The following ADAM9 variants were observed in gnomAD, a reference collection of about 807,000 sequenced individuals.
ADAM9 encodes disintegrin and metalloproteinase domain-containing protein 9.
Under a neutral mutation model 108.1 loss-of-function variants are expected in ADAM9, and 54 were observed. The ratio of observed to expected loss-of-function variants is 0.50; its 90% CI spans 0.40 to 0.63. The LOEUF is 0.63. Ranked by LOEUF, ADAM9 falls within the 20% of genes least tolerant of loss-of-function variation. The pLI is 0.00. For missense variants in ADAM9, 830 were observed against 997.7 expected, an observed-to-expected ratio of 0.83 and a Z score of 2.26; for synonymous variants, 316 against 336.0, an observed-to-expected ratio of 0.94 and a Z score of 0.65.
chr8:38,997,035 G>T lies in ADAM9; in HGVS notation c.-29G>T. ...GAGGCGGAGGTGGAGGCGACCGAGT[G>T]CTGAGAGGAACCTGCGGAATCGGCC... On this transcript the variant is annotated 5_prime_UTR_variant, in exon 1 of 22. Transcript: ENST00000487273. The T allele has an allele frequency of 6.2e-7, 1 of 1,603,310 alleles. No homozygotes were observed.
intron 12 of ADAM9, among the ~76,000 whole-genome samples, chr8:39,049,026 A>T (rs562470952): frequency 3.9e-4 from 54 of 139,342 alleles, no homozygotes; most frequent in South Asian, 1.1e-3. Flanking sequence ...TTATCCATTC[A>T]GTATGCTATG....
intron 12 of ADAM9, among the ~76,000 whole-genome samples, chr8:39,045,587 TAA>T (rs1554579359): frequency 6.7e-6 from 1 of 148,828 alleles, no homozygotes; most frequent in African/African-American, 2.5e-5. Flanking sequence ...TATATATATA[TAA>T]AAGATTTTTC....
At chr8:39,017,070 A>G (rs914481527) in intron 5 of ADAM9, 149 bp from the exon 6 acceptor site, 1 of 834,100 alleles carries the variant, frequency 1.2e-6, no homozygotes, top group African/African-American at 1.7e-5. Context: ...TCCCAGCCCT[A>G]TCTGTCTGAT....
At chr8:39,022,347 T>G (rs757215075) in intron 8 of ADAM9, among the ~76,000 whole-genome samples, 3 of 152,146 alleles carry the variant, frequency 2.0e-5, no homozygotes, top group Non-Finnish European at 4.4e-5. Flanking sequence ...TATGAAATTA[T>G]GAGTTCCACA....
At chr8:39,026,636 T>C (rs1836931348) in intron 10 of ADAM9, 41 bp from the exon 11 acceptor site, 5 of 1,613,716 alleles carry the variant, frequency 3.1e-6, no homozygotes, top group Non-Finnish European at 4.2e-6. Context: ...ACATTTTCTT[T>C]GCGTTCAGAA....
chr8:39,053,135 A>G (rs989628942), intron 12 of ADAM9, among the ~76,000 whole-genome samples: 10 of 152,112 alleles, frequency 6.6e-5, no homozygotes, highest in Admixed American at 2.6e-4. Context: ...AGGCTATCTT[A>G]TGGTGATATG....
chr8:39,035,540 C>T (rs866059232), intron 11 of ADAM9, among the ~76,000 whole-genome samples: 9 of 151,972 alleles, frequency 5.9e-5, no homozygotes, highest in Non-Finnish European at 1.0e-4. Flanking sequence ...ATTTCTAGAC[C>T]GGGTGCGGTG....
intron 1 of ADAM9, among the ~76,000 whole-genome samples, chr8:39,004,208 A>G (rs1026919307): frequency 1.3e-5 from 2 of 151,900 alleles, no homozygotes; most frequent in East Asian, 1.9e-4. Flanking sequence ...GTCTATCAGC[A>G]TATGTATTCT....
intron 1 of ADAM9, among the ~76,000 whole-genome samples, chr8:39,002,523 A>G (rs899696218): frequency 5.9e-5 from 9 of 151,626 alleles, no homozygotes; most frequent in Non-Finnish European, 8.8e-5. Context: ...GGGTTTCACC[A>G]TATTGGCCAG....
chr8:39,002,218 G>T (rs375022465), intron 1 of ADAM9, among the ~76,000 whole-genome samples: 2 of 151,534 alleles, frequency 1.3e-5, no homozygotes, highest in South Asian at 2.1e-4. Flanking sequence ...TTCTACAGTG[G>T]AAGTACTTAA....
intron 19 of ADAM9, among the ~76,000 whole-genome samples, chr8:39,090,954 T>A (rs936670250): frequency 5.9e-5 from 9 of 152,248 alleles, no homozygotes; most frequent in African/African-American, 1.9e-4. Context: ...ATGCTTTTAC[T>A]CTTCTCTGAT....
Position 39,100,028 on chromosome 8 carries a change from C to T in ADAM9, c.2299-1835C>T, listed in dbSNP as rs530903748. 4.6e-5 allele frequency among the ~76,000 whole-genome samples: 7 copies of T among 151,668 alleles called. No individual in the cohort carries two copies. The South Asian group carries it at 8.3e-4, about 18-fold the overall frequency. On this transcript the variant is annotated intron_variant, in intron 20 of 21. Coordinates refer to ENST00000487273, the MANE Select transcript of ADAM9 (RefSeq NM_003816.3). ...CTGAGTAGCTGGAATTACAGGCGTG[C>T]GCCATCATGCCCGGGTGATTTTTTT...
At chr8:39,082,804 A>T in intron 17 of ADAM9, 83 bp downstream of exon 17, 1 of 1,404,192 alleles carries the variant, frequency 7.1e-7, no homozygotes, top group Non-Finnish European at 1.0e-6. Flanking sequence ...AGTTCCCAGG[A>T]TTTTCAGATG....
intron 16 of ADAM9, among the ~76,000 whole-genome samples, chr8:39,081,848 A>G (rs1000245064): frequency 3.9e-5 from 6 of 152,210 alleles, no homozygotes; most frequent in African/African-American, 7.2e-5. Flanking sequence ...TTAAAATAGC[A>G]CTCAACAGTC....
chr8:39,045,489 CGTGT>C (rs1337536261), intron 12 of ADAM9, among the ~76,000 whole-genome samples: 1 of 140,624 alleles, frequency 7.1e-6, no homozygotes, highest in Non-Finnish European at 1.5e-5. Flanking sequence ...CCTATATGTG[CGTGT>C]GTATACATAT....
chr8:39,025,414 T>G (rs1836887899), intron 9 of ADAM9, among the ~76,000 whole-genome samples: 1 of 152,206 alleles, frequency 6.6e-6, no homozygotes, highest in Non-Finnish European at 1.5e-5. Flanking sequence ...ACTCCTCATG[T>G]TCACCCTGCT....
chr8:39,077,740 T>C (rs1266567627), intron 16 of ADAM9, among the ~76,000 whole-genome samples: 1 of 152,166 alleles, frequency 6.6e-6, no homozygotes, highest in Non-Finnish European at 1.5e-5. Flanking sequence ...GTCTGTGTAC[T>C]AGAAATGTCA....
chr8:39,019,331 A>G (rs968307555), intron 7 of ADAM9, among the ~76,000 whole-genome samples: 27 of 152,174 alleles, frequency 1.8e-4, no homozygotes, highest in Admixed American at 3.3e-4. Context: ...ACTTTGAGAG[A>G]TGGAAAACCT....
chr8:39,045,501 T>TATATGTGCGTGTGTATAC (rs1837727524), intron 12 of ADAM9, among the ~76,000 whole-genome samples: 1 of 30,454 alleles, frequency 3.3e-5, no homozygotes, highest in Admixed American at 5.2e-4. Context: ...TGTGTATACA[T>TATATGTGCGTGTGTATAC]ATGTGTGTGT....
Sources: allele counts gnomAD v4.1 joint callset (sites outside exome capture counted in the v4.1 genomes callset), GRCh38; gene constraint gnomAD v4.1.1; transcripts MANE v1.5; gene names NCBI Gene and HGNC (gene_info 2026-07-23, HGNC 2026-07-21).